GDPD5: variants seen among roughly 807,000 people sequenced by gnomAD.
GDPD5 encodes the protein glycerophosphodiester phosphodiesterase 2.
In GDPD5, 48 loss-of-function variants were observed where a neutral mutation model predicts 75.1. The ratio of observed to expected loss-of-function variants is 0.64; its 90% CI spans 0.51 to 0.81. The LOEUF (loss-of-function observed/expected upper bound fraction) is 0.81. Ranked by LOEUF, GDPD5 falls within the 40% of genes least tolerant of loss-of-function variation. The probability of loss-of-function intolerance (pLI) is 0.00; values close to 1 mark genes in which losing one functional copy is unlikely to be tolerated. For missense variants in GDPD5, 706 were observed against 822.6 expected, an observed-to-expected ratio of 0.86 and a Z score of 1.73; for synonymous variants, 336 against 339.0, an observed-to-expected ratio of 0.99 and a Z score of 0.10.
In GDPD5 at chr11:75,444,470, G is replaced by C; in HGVS notation, c.740C>G (p.Ser247Cys). ...PMLAPEHTLMSFRKALEQKLY... is the reference protein window; with the variant it reads ...PMLAPEHTLMCFRKALEQKLY... ...CTTCTGCTCGAGGGCCTTCCGGAAG[G>C]ACATGAGCGTGTGCTCTGGAGCCAG... The change falls in exon 10 of 17, where the codon TCC becomes TGC. Residue 247 changes from serine to cysteine, a missense_variant. Transcript: ENST00000336898. The C allele has an allele frequency of 6.2e-7, 1 of 1,613,766 alleles. No homozygotes were observed. Among genetic ancestry groups the C allele is most frequent in the Non-Finnish European group, 8.5e-7 (1 of 1,179,866 alleles).
chr11:75,438,836 A>G (rs1298504909), intron 15 of GDPD5: 1 of 166,250 alleles, frequency 6.0e-6, no homozygotes, highest in Non-Finnish European at 1.3e-5. Flanking sequence ...GGTGTTAGAG[A>G]TAGAATGTAA....
At chr11:75,441,891 G>A in intron 12 of GDPD5, 88 bp from the exon 13 acceptor site, 1 of 1,334,850 alleles carries the variant, frequency 7.5e-7, no homozygotes, top group Non-Finnish European at 1.0e-6. Flanking sequence ...GTGGGGTTAA[G>A]AGACAGGACC....
At chr11:75,449,196 C>T in intron 8 of GDPD5, 74 bp from the exon 9 acceptor site, 1 of 1,500,808 alleles carries the variant, frequency 6.7e-7, no homozygotes. Flanking sequence ...ACCCCTCTAC[C>T]CCCGACCTGT....
chr11:75,441,723 C>T lies in GDPD5; in HGVS notation c.1248G>A (p.Glu416=). Residue 416 remains glutamate (E), a synonymous_variant, in exon 13 of 17, where the codon GAG becomes GAA. Coordinates refer to ENST00000336898, the MANE Select transcript of GDPD5 (RefSeq NM_030792.8). ...GGCCTCTCCGCAGGCTGGCGACTGCCTCCTTGGAGCCTGATGTCTGTTGGA... is the reference window on the plus strand; with the variant it reads ...GGCCTCTCCGCAGGCTGGCGACTGCTTCCTTGGAGCCTGATGTCTGTTGGA... ...PGFQQTSGSK[E]AVASLRRGHI... The T allele has an allele frequency of 1.2e-6, 2 of 1,611,704 alleles. No individual in the cohort carries two copies. The highest frequency in any genetic ancestry group is 1.7e-6 in the Non-Finnish European group (2 of 1,179,884).
chr11:75,442,947 C>A, intron 11 of GDPD5, 189 bp downstream of exon 11: 1 of 671,564 alleles, frequency 1.5e-6, no homozygotes, highest in African/African-American at 1.8e-5. Context: ...GGACCCAGAA[C>A]AAGCAGTGAC....
chr11:75,455,431 GTC>G, intron 6 of GDPD5: 1 of 452,444 alleles, frequency 2.2e-6, no homozygotes, highest in East Asian at 7.0e-5. Flanking sequence ...TAAGACTTCA[GTC>G]TCTGGGGTCT....
intron 6 of GDPD5, among the ~76,000 whole-genome samples, chr11:75,456,318 C>A (rs890058176): frequency 5.3e-5 from 8 of 152,076 alleles, no homozygotes; most frequent in Non-Finnish European, 1.0e-4. Context: ...AATGCCATCG[C>A]CAGATCAGGG....
At chr11:75,487,745 T>C (rs1950043840) in intron 2 of GDPD5, among the ~76,000 whole-genome samples, 1 of 152,190 alleles carries the variant, frequency 6.6e-6, no homozygotes, top group Non-Finnish European at 1.5e-5. Flanking sequence ...GTTCTCTTGG[T>C]ACAGAAAGGA....
chr11:75,442,645 T>A, intron 11 of GDPD5, 64 bp from the exon 12 acceptor site: 1 of 1,462,614 alleles, frequency 6.8e-7, no homozygotes, highest in South Asian at 1.2e-5. Flanking sequence ...CCACATACCC[T>A]TCTGGCAACC....
At chr11:75,517,414 A>G (rs1030716095) in intron 1 of GDPD5, 4 of 151,992 alleles carry the variant, frequency 2.6e-5, no homozygotes, top group African/African-American at 7.3e-5. Flanking sequence ...AGATCGCGCC[A>G]TTGCACTCCA....
chr11:75,486,051 C>A (rs1021747338), intron 2 of GDPD5, among the ~76,000 whole-genome samples: 1 of 152,198 alleles, frequency 6.6e-6, no homozygotes, highest in Non-Finnish European at 1.5e-5. Context: ...CTGCCCCAAG[C>A]CTCTGGCCTC....
rs572772018 is a variant in GDPD5 at position 75,504,429 on chromosome 11, A to G, written c.-144-14109T>C. On this transcript the variant is annotated intron_variant, in intron 1 of 16. Coordinates refer to ENST00000336898, the MANE Select transcript of GDPD5 (RefSeq NM_030792.8). ...AAGAAGTGGAACAACCCAAGGGTCC[A>G]TCGACAGGTGAACGGACAGACAGAA... 5.9e-5 allele frequency among the ~76,000 whole-genome samples: 9 copies of G among 152,336 alleles called. No individual in the cohort carries two copies. The South Asian group carries it at 1.9e-3, about 32-fold the overall frequency.
chr11:75,448,664 C>T, intron 9 of GDPD5: 1 of 1,094,576 alleles, frequency 9.1e-7, no homozygotes, highest in African/African-American at 1.7e-5. Flanking sequence ...TGGCAGACCC[C>T]AGGCCCCACA....
chr11:75,459,553 T>A (rs1326997053), intron 4 of GDPD5, among the ~76,000 whole-genome samples: 1 of 152,124 alleles, frequency 6.6e-6, no homozygotes, highest in Non-Finnish European at 1.5e-5. Flanking sequence ...CTGGGCGCGG[T>A]GGCTCACGCC....
In GDPD5 at chr11:75,443,220, C is replaced by A; in HGVS notation, c.864G>T (p.Glu288Asp). The A allele has an allele frequency of 1.2e-6, 2 of 1,607,642 alleles. No homozygotes were observed. The highest frequency in any genetic ancestry group is 1.7e-6 in the Non-Finnish European group (2 of 1,177,718). Residue 288 changes from glutamate to aspartate, a missense_variant, in exon 11 of 17, where the codon GAG (glutamate) becomes GAT (aspartate). Physicochemically the swap from Glu to Asp is conservative, Grantham distance 45. Coordinates refer to ENST00000336898, the MANE Select transcript of GDPD5 (RefSeq NM_030792.8). ...CAGGCCTGCGGGCCAGCTCCGGGAACTCCTCCTCCACGTTGGTGGTGCGCC... is the reference window on the plus strand; with the variant it reads ...CAGGCCTGCGGGCCAGCTCCGGGAAATCCTCCTCCACGTTGGTGGTGCGCC... ...TLRRTTNVEE[E>D]FPELARRPAS...
chr11:75,474,544 A>C (rs1378686510), intron 3 of GDPD5, among the ~76,000 whole-genome samples: 1 of 152,124 alleles, frequency 6.6e-6, no homozygotes, highest in African/African-American at 2.4e-5. Flanking sequence ...GGGGCAAGAG[A>C]AGAGGCCATT....
intron 9 of GDPD5, among the ~76,000 whole-genome samples, chr11:75,447,161 G>A (rs886329549): frequency 1.3e-5 from 2 of 152,208 alleles, no homozygotes; most frequent in Non-Finnish European, 2.9e-5. Context: ...GGGATTACAA[G>A]CATGAGCCAC....
intron 4 of GDPD5, among the ~76,000 whole-genome samples, chr11:75,458,677 TAAATAAA>T (rs1565193340): frequency 6.9e-6 from 1 of 145,818 alleles, no homozygotes; most frequent in African/African-American, 2.7e-5. Flanking sequence ...GTCTCAAAAA[TAAATAAA>T]TAAATAAATA....
intron 1 of GDPD5, among the ~76,000 whole-genome samples, chr11:75,520,753 T>C (rs947399406): frequency 3.3e-5 from 5 of 152,230 alleles, no homozygotes; most frequent in African/African-American, 1.2e-4. Context: ...GTGCCCAGTG[T>C]GTGTTTGCCA....
Sources: allele counts gnomAD v4.1 joint callset (sites outside exome capture counted in the v4.1 genomes callset), GRCh38; gene constraint gnomAD v4.1.1; transcripts MANE v1.5; gene names NCBI Gene and HGNC (gene_info 2026-07-23, HGNC 2026-07-21).